SPECC1: variants seen among roughly 807,000 people sequenced by gnomAD.
SPECC1 encodes cytospin-B.
SPECC1 carries 62 observed loss-of-function variants against 104.1 expected under a neutral mutation model. The ratio of observed to expected loss-of-function variants is 0.60; its 90% CI spans 0.49 to 0.74. The LOEUF is 0.74. SPECC1 is among the 30% of genes least tolerant of loss of function. SPECC1 has a pLI of 0.00. For missense variants in SPECC1, 1,306 were observed against 1,310.5 expected, an observed-to-expected ratio of 1.00 and a Z score of 0.05; for synonymous variants, 513 against 501.6, an observed-to-expected ratio of 1.02 and a Z score of -0.30.
At chr17:20,042,023 C>T (rs2045351028) in intron 1 of SPECC1, among the ~76,000 whole-genome samples, 1 of 152,166 alleles carries the variant, frequency 6.6e-6, no homozygotes, top group Non-Finnish European at 1.5e-5. Context: ...TTCTCTCTTT[C>T]AGTTTGGGAT....
At chr17:20,032,541 T>C (rs1416176769) in intron 1 of SPECC1, among the ~76,000 whole-genome samples, 4 of 152,200 alleles carry the variant, frequency 2.6e-5, no homozygotes, top group African/African-American at 9.6e-5. Flanking sequence ...AGTTCAAATA[T>C]AGTGTTGAAC....
intron 1 of SPECC1, among the ~76,000 whole-genome samples, chr17:20,021,702 A>ATATATATTTTT (rs1402960712): frequency 1.4e-5 from 2 of 139,280 alleles, no homozygotes; most frequent in African/African-American, 5.3e-5. Context: ...ATATATATAT[A>ATATATATTTTT]TTTTTTTGTA....
chr17:20,299,838 T>G (rs910943135), intron 13 of SPECC1, among the ~76,000 whole-genome samples: 2 of 152,162 alleles, frequency 1.3e-5, no homozygotes, highest in Non-Finnish European at 2.9e-5. Flanking sequence ...GGCAGGCGAT[T>G]GCACAGCAAA....
At chr17:20,077,284 GT>G (rs2046796118) in intron 1 of SPECC1, among the ~76,000 whole-genome samples, 2 of 152,000 alleles carry the variant, frequency 1.3e-5, no homozygotes, top group South Asian at 4.2e-4. Flanking sequence ...ATGCTAACCA[GT>G]TTTTCCAATA....
intron 3 of SPECC1, among the ~76,000 whole-genome samples, chr17:20,120,448 A>G (rs1482632596): frequency 6.6e-6 from 1 of 152,204 alleles, no homozygotes. Flanking sequence ...TTAGATGTTC[A>G]CTGGACTTAA....
At chr17:20,279,611 C>T (rs9892630) in intron 12 of SPECC1, among the ~76,000 whole-genome samples, 107,812 of 152,164 alleles carry the variant, frequency 0.71, 39,996 homozygotes, top group East Asian at 0.99. Context: ...TATGAGCCAC[C>T]GCGCCCAGCC....
intron 3 of SPECC1, among the ~76,000 whole-genome samples, chr17:20,170,782 T>C (rs2034028564): frequency 6.6e-6 from 1 of 152,190 alleles, no homozygotes; most frequent in African/African-American, 2.4e-5. Context: ...CTAATTATGG[T>C]TGAGTGTTAA....
intron 12 of SPECC1, among the ~76,000 whole-genome samples, chr17:20,264,264 G>A (rs369556895): frequency 4.0e-5 from 6 of 151,558 alleles, no homozygotes; most frequent in Non-Finnish European, 7.4e-5. Context: ...TATAGATTCA[G>A]GGGGTGAGTG....
intron 12 of SPECC1, among the ~76,000 whole-genome samples, chr17:20,264,740 G>A (rs915211675): frequency 1.2e-4 from 18 of 151,888 alleles, no homozygotes; most frequent in African/African-American, 4.1e-4. Context: ...CCAAAGTGCT[G>A]GGATTACAGG....
intron 1 of SPECC1, among the ~76,000 whole-genome samples, chr17:20,083,393 T>C (rs938434993): frequency 1.2e-4 from 19 of 152,354 alleles, no homozygotes; most frequent in Middle Eastern, 3.4e-3. Context: ...CATTTGTCTT[T>C]GTAGGTGTGG....
In SPECC1 at chr17:20,316,502, G is replaced by C. The variant is rs2042041691; in HGVS notation, c.*2437G>C. 5.3e-6 allele frequency: 1 copy of C among 188,822 alleles called. No individual in the cohort carries two copies. 11.7% of individuals were successfully genotyped at this position (188,822 alleles called of 1,614,324 possible). ...CTGCCTCAGCCTCCCATGTGGCTGGGATTACAGGTGCCCATCACCACACCC... is the reference window on the plus strand; with the variant it reads ...CTGCCTCAGCCTCCCATGTGGCTGGCATTACAGGTGCCCATCACCACACCC... On this transcript the variant is annotated 3_prime_UTR_variant, in exon 15 of 15. Transcript: ENST00000395527.
At chr17:20,055,747 A>T (rs2045938729) in intron 1 of SPECC1, among the ~76,000 whole-genome samples, 2 of 152,202 alleles carry the variant, frequency 1.3e-5, no homozygotes. Context: ...TGATGCTTTC[A>T]TTGGCCATGA....
At chr17:20,221,120 T>C (rs934353808) in intron 4 of SPECC1, among the ~76,000 whole-genome samples, 4 of 152,196 alleles carry the variant, frequency 2.6e-5, no homozygotes, top group African/African-American at 9.7e-5. Flanking sequence ...GGCCTATAGT[T>C]TTCTTTTTTT....
At position 20,245,923 on chromosome 17, in the gene SPECC1, C is replaced by G; in HGVS notation, c.2352-3C>G. The G allele has an allele frequency of 6.2e-7, 1 of 1,614,106 alleles. No homozygotes were observed. The highest frequency in any genetic ancestry group is 8.5e-7 in the Non-Finnish European group (1 of 1,180,000). On this transcript the variant is annotated splice_polypyrimidine_tract_variant and splice_region_variant and intron_variant, in intron 7 of 14. Coordinates refer to ENST00000395527, the MANE Select transcript of SPECC1 (RefSeq NM_001243439.2). Reference sequence around the variant, plus strand: ...TCAATCTGATTTGCTCTTTGCCATGCAGACCTGTGGATGAAGAGCCAGAGT... The same window carrying G: ...TCAATCTGATTTGCTCTTTGCCATGGAGACCTGTGGATGAAGAGCCAGAGT...
chr17:20,303,784 C>G (rs569951174), intron 13 of SPECC1, among the ~76,000 whole-genome samples: 2 of 151,922 alleles, frequency 1.3e-5, no homozygotes, highest in Non-Finnish European at 2.9e-5. Flanking sequence ...GAAAACCTGT[C>G]TCTACTAAAA....
At position 20,079,677 on chromosome 17, in the gene SPECC1, C is replaced by G. The variant is rs1224672091; in HGVS notation, c.-21-16954C>G. Among the ~76,000 whole-genome samples the G allele has an allele frequency of 2.6e-5, 4 of 152,164 alleles. 1 individual carries two copies. The highest frequency in any genetic ancestry group is 5.9e-5 in the Non-Finnish European group (4 of 68,034). On this transcript the variant is annotated intron_variant, in intron 1 of 14. Coordinates refer to ENST00000395527, the MANE Select transcript of SPECC1 (RefSeq NM_001243439.2). ...GCAGACATCCAGCACCCAGTCTGAG[C>G]TGGCAGTGTGCTAGGCCCTAGGGAG...
chr17:20,017,510 A>G (rs1324162698), intron 1 of SPECC1: 2 of 153,090 alleles, frequency 1.3e-5, no homozygotes, highest in Non-Finnish European at 2.9e-5. Flanking sequence ...GCGAGGGTCC[A>G]CGGCTTCATT....
At chr17:20,284,032 A>G (rs1483743731) in intron 12 of SPECC1, among the ~76,000 whole-genome samples, 1 of 152,116 alleles carries the variant, frequency 6.6e-6, no homozygotes, top group African/African-American at 2.4e-5. Flanking sequence ...TGTGCCTTAG[A>G]TGGCTTTCTT....
In SPECC1 at chr17:20,204,343, A is replaced by C; in HGVS notation, c.294A>C (p.Thr98=). Residue 98 remains threonine (T), a synonymous_variant, in exon 4 of 15, where the codon ACA becomes ACC. Transcript: ENST00000395527. The part of the protein sequence containing the change: ...SRLRSGTGAF[T]TTKRTGIPAP... ...TCTTCTGTCTTTAAGGGGCCTTTACAACAACTAAACGGACAGGCATTCCAG... is the reference window on the plus strand; with the variant it reads ...TCTTCTGTCTTTAAGGGGCCTTTACCACAACTAAACGGACAGGCATTCCAG... 1 of 1,607,612 alleles carries C rather than the reference A, an allele frequency of 6.2e-7. No homozygotes were observed. Among genetic ancestry groups the C allele is most frequent in the Middle Eastern group, 1.7e-4 (1 of 6,008 alleles).
Sources: allele counts gnomAD v4.1 joint callset (sites outside exome capture counted in the v4.1 genomes callset), GRCh38; gene constraint gnomAD v4.1.1; transcripts MANE v1.5; gene names NCBI Gene and HGNC (gene_info 2026-07-23, HGNC 2026-07-21).